CSTPP1: variants seen among roughly 807,000 people sequenced by gnomAD.
The protein encoded by CSTPP1 is centriolar satellite-associated tubulin polyglutamylase complex regulator 1.
chr11:46,945,530 G>T, the CSTPP1 span, among the ~76,000 whole-genome samples: 1,720 of 152,144 alleles, frequency 0.011, 15 homozygotes, highest in Non-Finnish European at 0.018. Flanking sequence ...CATGAGAATC[G>T]CTTGAACCCG....
At chr11:46,991,002 C>T in the CSTPP1 span, among the ~76,000 whole-genome samples, 13 of 151,928 alleles carry the variant, frequency 8.6e-5, no homozygotes, top group Admixed American at 4.6e-4. Context: ...GTTTTTGTAC[C>T]GGTACCATGC....
the CSTPP1 span, among the ~76,000 whole-genome samples, chr11:47,034,117 A>T: frequency 4.8e-4 from 73 of 151,318 alleles, no homozygotes; most frequent in East Asian, 1.5e-3. Flanking sequence ...TATATATATA[A>T]AAATAAAAAA....
the CSTPP1 span, among the ~76,000 whole-genome samples, chr11:47,095,448 T>G: frequency 1.3e-5 from 2 of 152,204 alleles, no homozygotes; most frequent in Non-Finnish European, 2.9e-5. Context: ...TTTCTTTCCC[T>G]TCAAAGCCTT....
the CSTPP1 span, among the ~76,000 whole-genome samples, chr11:47,021,728 C>T: frequency 6.6e-6 from 1 of 152,074 alleles, no homozygotes; most frequent in African/African-American, 2.4e-5. Flanking sequence ...AAATTACTGA[C>T]CTAGAATAAA....
the CSTPP1 span, among the ~76,000 whole-genome samples, chr11:46,989,188 C>T: frequency 6.6e-6 from 1 of 152,000 alleles, no homozygotes; most frequent in East Asian, 1.9e-4. Flanking sequence ...CAAGATGGTG[C>T]CACTGCACTC....
At chr11:47,101,198 T>TTTG in the CSTPP1 span, among the ~76,000 whole-genome samples, 1 of 138,520 alleles carries the variant, frequency 7.2e-6, no homozygotes, top group African/African-American at 2.7e-5. Context: ...TTATTTTATT[T>TTTG]TTAGTAGAGA....
At chr11:47,157,866 CCTT>C in the CSTPP1 span, 8 of 1,614,154 alleles carry the variant, frequency 5.0e-6, no homozygotes, top group African/African-American at 2.7e-5. Context: ...CAGAGACTGA[CCTT>C]CTATGGATTC....
chr11:47,007,538 T>G, the CSTPP1 span, among the ~76,000 whole-genome samples: 1 of 152,204 alleles, frequency 6.6e-6, no homozygotes, highest in Non-Finnish European at 1.5e-5. Context: ...TGCTTGAACA[T>G]AGTAAATAAA....
the CSTPP1 span, among the ~76,000 whole-genome samples, chr11:46,971,055 T>C: frequency 6.6e-6 from 1 of 152,200 alleles, no homozygotes; most frequent in Non-Finnish European, 1.5e-5. Flanking sequence ...AACAAGTTAA[T>C]GCAACATTTG....
the CSTPP1 span, among the ~76,000 whole-genome samples, chr11:46,977,915 A>AGTTCTC: frequency 6.6e-6 from 1 of 152,212 alleles, no homozygotes; most frequent in Non-Finnish European, 1.5e-5. Context: ...AAGGCAACAG[A>AGTTCTC]AAGAGTAGTT....
chr11:47,099,151 A>T, the CSTPP1 span, among the ~76,000 whole-genome samples: 1 of 152,186 alleles, frequency 6.6e-6, no homozygotes. Flanking sequence ...CTCTGTCACA[A>T]ATCTGCTTTG....
the CSTPP1 span, among the ~76,000 whole-genome samples, chr11:46,974,526 CAA>C: frequency 1.4e-4 from 16 of 118,256 alleles, no homozygotes; most frequent in South Asian, 2.9e-4. Context: ...GACTCTGTCT[CAA>C]AAAAAAAAAA....
the CSTPP1 span, among the ~76,000 whole-genome samples, chr11:47,130,466 T>G: frequency 6.6e-6 from 1 of 152,168 alleles, no homozygotes; most frequent in African/African-American, 2.4e-5. Context: ...TCCCTCCATT[T>G]ATAATATAAA....
At chr11:47,078,255 G>T in the CSTPP1 span, among the ~76,000 whole-genome samples, 1 of 152,226 alleles carries the variant, frequency 6.6e-6, no homozygotes, top group African/African-American at 2.4e-5. Context: ...ACAGTAGTTT[G>T]GTTGGGGTGA....
the CSTPP1 span, among the ~76,000 whole-genome samples, chr11:47,074,029 TTTC>T: frequency 6.6e-6 from 1 of 152,130 alleles, no homozygotes; most frequent in Non-Finnish European, 1.5e-5. Flanking sequence ...TTCCTACACC[TTTC>T]TTCTTCTATT....
the CSTPP1 span, chr11:47,157,918 C>A: frequency 3.7e-6 from 6 of 1,613,200 alleles, no homozygotes. Context: ...TCAACCAAGC[C>A]CTCGGTAAGT....
chr11:47,139,953 T>C, the CSTPP1 span, among the ~76,000 whole-genome samples: 3 of 152,140 alleles, frequency 2.0e-5, no homozygotes, highest in African/African-American at 4.8e-5. Flanking sequence ...CAAAGCTGCA[T>C]TGGCTGCACT....
chr11:47,067,502 G>A, the CSTPP1 span, among the ~76,000 whole-genome samples: 1 of 152,242 alleles, frequency 6.6e-6, no homozygotes, highest in Admixed American at 6.5e-5. Flanking sequence ...GTTAAGAGAG[G>A]TGATAAGGGT....
the CSTPP1 span, among the ~76,000 whole-genome samples, chr11:47,031,186 T>C: frequency 2.6e-5 from 4 of 152,264 alleles, no homozygotes; most frequent in Non-Finnish European, 5.9e-5. Flanking sequence ...CATAAATTCT[T>C]AGAATTTGTA....
Sources: allele counts gnomAD v4.1 joint callset (sites outside exome capture counted in the v4.1 genomes callset), GRCh38; gene constraint gnomAD v4.1.1; transcripts MANE v1.5; gene names NCBI Gene and HGNC (gene_info 2026-07-23, HGNC 2026-07-21).